Variants in SCNN1D observed in about 807,000 individuals in gnomAD.
The protein encoded by SCNN1D is epithelial sodium channel subunit delta.
A neutral mutation model predicts 87.8 loss-of-function variants in SCNN1D; 104 were observed. That is an observed-to-expected ratio of 1.18 (90% CI 1.01 to 1.39). The LOEUF (loss-of-function observed/expected upper bound fraction) is 1.39, where lower values mean the gene tolerates loss of function less well. SCNN1D is among the 40% of genes most tolerant of loss of function. The pLI is 0.00. For synonymous variants in SCNN1D, 628 were observed against 481.2 expected (o/e 1.31, Z -3.99); for missense variants, 1,324 against 1,093.9 (o/e 1.21, Z -2.97).
rs1640787339 is a variant in SCNN1D, at chr1:1,290,881, CCTT to C, written c.1918-12_1918-10del. The C allele has an allele frequency of 1.9e-6, 3 of 1,609,494 alleles. No homozygotes were observed. Among genetic ancestry groups the C allele is most frequent in the African/African-American group, 1.3e-5 (1 of 74,974 alleles). On this transcript the variant is annotated splice_polypyrimidine_tract_variant and intron_variant, in intron 15 of 17. Coordinates refer to ENST00000379116, the MANE Select transcript of SCNN1D (RefSeq NM_001130413.4). ...ATGGGGGAGCCGTGGCCACAGCAAA[CCTT>C]CCGTCTGCAGGGATGGACTCTGGCC...
Position 1,291,724 on chromosome 1 carries a change from G to T in SCNN1D, c.*114G>T. The T allele has an allele frequency of 1.4e-6, 1 of 729,480 alleles. No homozygotes were observed. The highest frequency in any genetic ancestry group is 2.5e-5 in the South Asian group (1 of 39,738). The allele number at this position is 729,480 out of a possible 1,614,324, so 45.2% of individuals were successfully genotyped here. A position where few individuals can be genotyped will look rare whatever the true frequency, so the allele number is the denominator to read the frequency against. On this transcript the variant is annotated 3_prime_UTR_variant, in exon 18 of 18. Transcript: ENST00000379116. ...ACCAGCAGCCCAGGAAGCAGCACAC[G>T]CGGCCGTGGGGAGGCAGGCACCGGG...
intron 4 of SCNN1D, among the ~76,000 whole-genome samples, chr1:1,282,994 C>T (rs1200698011): frequency 2.0e-5 from 3 of 152,056 alleles, no homozygotes; most frequent in Admixed American, 6.6e-5. Context: ...CCTTGTGATC[C>T]GCCCGCCTCG....
Position 1,287,429 on chromosome 1 carries a change from G to T in SCNN1D, c.1311-79G>T, listed in dbSNP as rs920755074. The T allele has an allele frequency of 3.4e-6, 5 of 1,487,864 alleles. No individual in the cohort carries two copies. In the African/African-American group the frequency reaches 5.6e-5, roughly 17 times the overall value. 92.2% of individuals were successfully genotyped at this position (1,487,864 alleles called of 1,614,324 possible). ...CGGAGGAACTTTCCGCAGACACAGG[G>T]CAGGCCATGGCCCCTCAGGCCAGCG... On this transcript the variant is annotated intron_variant, in intron 9 of 17. Coordinates refer to ENST00000379116, the MANE Select transcript of SCNN1D (RefSeq NM_001130413.4).
In SCNN1D at chr1:1,287,251, G is replaced by A; in HGVS notation, c.1262G>A (p.Gly421Asp). Residue 421 changes from glycine (G) to aspartate (D), a missense_variant, in exon 9 of 18, where the codon GGC (glycine) becomes GAC (aspartate). Coordinates refer to ENST00000379116, the MANE Select transcript of SCNN1D (RefSeq NM_001130413.4). The part of the protein sequence containing the change: ...AWEDSHGSQD[G>D]HFVLSCSYDG... The stretch of plus-strand genomic sequence containing the variant: ...GAGGACAGCCACGGGAGCCAGGACG[G>A]CCACTTCGTCCTCTCCTGCAGTTAC... 2 of 1,610,362 alleles carry A rather than the reference G, an allele frequency of 1.2e-6. No homozygotes were observed. Among genetic ancestry groups the A allele is most frequent in the Non-Finnish European group, 1.7e-6 (2 of 1,178,868 alleles).
rs773650803 is a variant in SCNN1D, at chr1:1,291,580, G to C, written c.2379G>C (p.Gly793=). 61 of 1,560,100 alleles carry C rather than the reference G, an allele frequency of 3.9e-5. 2 individuals are homozygous for C. The highest frequency in any genetic ancestry group is 9.6e-5 in the Admixed American group (5 of 52,352). The change falls in exon 18 of 18, where the codon GGG becomes GGC. Residue 793 remains glycine (G), a synonymous_variant. Transcript: ENST00000379116. The part of the protein sequence containing the change: ...AGVSAEESWA[G]PQPLETLDT ...TCTCAGCCGAAGAGAGCTGGGCTGG[G>C]CCCCAGCCCCTTGAGACTCTGGACA...
At position 1,284,049 on chromosome 1, in the gene SCNN1D, G is replaced by A. The variant is rs766384032; in HGVS notation, c.423G>A (p.Thr141=). 2.2e-6 allele frequency: 3 copies of A among 1,340,024 alleles called. No individual in the cohort carries two copies. Among genetic ancestry groups the A allele is most frequent in the East Asian group, 3.4e-5 (1 of 29,460 alleles). The allele number at this position is 1,340,024 out of a possible 1,614,324, so 83.0% of individuals were successfully genotyped here. A position where few individuals can be genotyped will look rare whatever the true frequency, so the allele number is the denominator to read the frequency against. ...PPQWLSTEAW[T]GEWKQPHGGA... is the part of the protein sequence containing the mutation. ...AATGGCTGAGCACCGAAGCATGGACGGGAGAATGGAAGCAGCCACACGGGG... is the reference window on the plus strand; with the variant it reads ...AATGGCTGAGCACCGAAGCATGGACAGGAGAATGGAAGCAGCCACACGGGG... Residue 141 remains threonine (T), a synonymous_variant, in exon 5 of 18, where the codon ACG becomes ACA. Transcript: ENST00000379116.
chr1:1,283,277 G>A (rs1435573730), intron 4 of SCNN1D, among the ~76,000 whole-genome samples: 1 of 152,210 alleles, frequency 6.6e-6, no homozygotes, highest in Non-Finnish European at 1.5e-5. Flanking sequence ...TGGCTGGGCG[G>A]CTGGTCCCGA....
In SCNN1D at chr1:1,287,283, C is replaced by G. The variant is rs754750536; in HGVS notation, c.1294C>G (p.Leu432Val). The change falls in exon 9 of 18, where the codon CTG becomes GTG. Residue 432 changes from leucine (L) to valine (V), a missense_variant. Physicochemically the swap from Leu to Val is conservative, Grantham distance 32 (BLOSUM62 1). Coordinates refer to ENST00000379116, the MANE Select transcript of SCNN1D (RefSeq NM_001130413.4). ...CGTCCTCTCCTGCAGTTACGATGGC[C>G]TGGACTGCCAGGCCCGGTGAGTGTG... Reference protein sequence around the residue: ...HFVLSCSYDGLDCQARQFRTF... With the variant: ...HFVLSCSYDGVDCQARQFRTF... The G allele has an allele frequency of 1.3e-6, 2 of 1,598,912 alleles. No individual in the cohort carries two copies. The highest frequency in any genetic ancestry group is 2.7e-5 in the African/African-American group (2 of 74,722).
rs143732434 is a variant in SCNN1D, at chr1:1,287,557, G to T, written c.1360G>T (p.Asp454Tyr). Reference protein sequence around the residue: ...HPTYGSCYTVDGVWTAQRPGI... With the variant: ...HPTYGSCYTVYGVWTAQRPGI... ...CACCTACGGCAGCTGCTACACGGTCGATGGCGTCTGGACAGCTCAGCGCCC... is the reference window on the plus strand; with the variant it reads ...CACCTACGGCAGCTGCTACACGGTCTATGGCGTCTGGACAGCTCAGCGCCC... The change falls in exon 10 of 18, where the codon GAT becomes TAT. Residue 454 changes from aspartate (D) to tyrosine (Y), a missense_variant. Coordinates refer to ENST00000379116, the MANE Select transcript of SCNN1D (RefSeq NM_001130413.4). 1.1e-4 allele frequency: 171 copies of T among 1,553,840 alleles called. No individual in the cohort carries two copies. Among genetic ancestry groups the T allele is most frequent in the Non-Finnish European group, 1.4e-4 (163 of 1,147,186 alleles).
intron 16 of SCNN1D, 44 bp downstream of exon 16, chr1:1,290,997 C>T (rs1640792709): frequency 1.3e-6 from 2 of 1,584,708 alleles, no homozygotes; most frequent in South Asian, 1.1e-5. Context: ...CAGCCCCTCT[C>T]CCCTCAAAGC....
chr1:1,286,360 G>A (rs1640591836), intron 7 of SCNN1D, 82 bp downstream of exon 7: 1 of 1,132,820 alleles, frequency 8.8e-7, no homozygotes, highest in Non-Finnish European at 1.2e-6. Flanking sequence ...AGCCCCACTG[G>A]CCCCTGTAGC....
Position 1,284,047 on chromosome 1 carries a change from A to G in SCNN1D, c.421A>G (p.Thr141Ala). The G allele has an allele frequency of 7.6e-7, 1 of 1,321,720 alleles. No individual in the cohort carries two copies. The highest frequency in any genetic ancestry group is 1.7e-5 in the South Asian group (1 of 59,800). The allele number at this position is 1,321,720 out of a possible 1,614,324, so 81.9% of individuals were successfully genotyped here. ...GCAATGGCTGAGCACCGAAGCATGG[A>G]CGGGAGAATGGAAGCAGCCACACGG... ...PPQWLSTEAW[T>A]GEWKQPHGGA... Residue 141 changes from threonine to alanine, a missense_variant, in exon 5 of 18, where the codon ACG becomes GCG. By Grantham distance (58) the Thr-to-Ala change is moderately conservative (BLOSUM62 0). Coordinates refer to ENST00000379116, the MANE Select transcript of SCNN1D (RefSeq NM_001130413.4).
Position 1,280,749 on chromosome 1 carries a change from A to C in SCNN1D, c.5+83A>C, listed in dbSNP as rs1640453443. On this transcript the variant is annotated intron_variant, in intron 1 of 17. Coordinates refer to ENST00000379116, the MANE Select transcript of SCNN1D (RefSeq NM_001130413.4). ...TGCCCATGGCTAAGACCAGGGGTCC[A>C]TCCAGACAGTTCAGGGCTTATAATT... The C allele has an allele frequency of 7.2e-6, 5 of 691,282 alleles. No individual in the cohort carries two copies. In the Admixed American group the frequency reaches 1.0e-4, roughly 14 times the overall value. 42.8% of individuals were successfully genotyped at this position (691,282 alleles called of 1,614,324 possible).
chr1:1,288,204 T>TGTCTCTGCCCCGTCCC (rs1557584067), intron 12 of SCNN1D, among the ~76,000 whole-genome samples, 167 bp downstream of exon 12: 2 of 140,086 alleles, frequency 1.4e-5, no homozygotes, highest in Admixed American at 7.1e-5. Flanking sequence ...CTCCATTCCC[T>TGTCTCTGCCCCGTCCC]GTGTCTCTGC....
chr1:1,291,621 C>A lies in SCNN1D; in HGVS notation c.*11C>A. ...ACTCTGGACACCTGAACCAGACCTG[C>A]CAGGGCTGTGCGATCTCTTGGCCTG... On this transcript the variant is annotated 3_prime_UTR_variant, in exon 18 of 18. Coordinates refer to ENST00000379116, the MANE Select transcript of SCNN1D (RefSeq NM_001130413.4). 1 of 1,503,402 alleles carries A rather than the reference C, an allele frequency of 6.7e-7. No homozygotes were observed. The highest frequency in any genetic ancestry group is 8.9e-7 in the Non-Finnish European group (1 of 1,120,966). 93.1% of individuals were successfully genotyped at this position (1,503,402 alleles called of 1,614,324 possible).
rs780539975 is a variant in SCNN1D at position 1,291,160 on chromosome 1, C to G, written c.2052+20C>G. The G allele has an allele frequency of 4.5e-5, 72 of 1,609,200 alleles. No homozygotes were observed. The highest frequency in any genetic ancestry group is 6.0e-5 in the Non-Finnish European group (71 of 1,178,418). Reference sequence around the variant, plus strand: ...TACTCGGTGAGCCTTGGCCCCCTGCCTGGGCTAGAGCGGGGGCAGCGACAG... The same window carrying G: ...TACTCGGTGAGCCTTGGCCCCCTGCGTGGGCTAGAGCGGGGGCAGCGACAG... On this transcript the variant is annotated intron_variant, in intron 17 of 17. Coordinates refer to ENST00000379116, the MANE Select transcript of SCNN1D (RefSeq NM_001130413.4).
At chr1:1,287,419 C>T in intron 9 of SCNN1D, 89 bp from the exon 10 acceptor site, 1 of 1,489,078 alleles carries the variant, frequency 6.7e-7, no homozygotes, top group Non-Finnish European at 9.0e-7. Flanking sequence ...GAACTTTCCG[C>T]AGACACAGGG....
chr1:1,287,243 C>G lies in SCNN1D; in HGVS notation c.1254C>G (p.Ser418Arg). The change falls in exon 9 of 18, where the codon AGC (serine) becomes AGG (arginine). Residue 418 changes from serine to arginine, a missense_variant. Ser to Arg is a moderately radical substitution (Grantham distance 110). Transcript: ENST00000379116. ...LPAAWEDSHGSQDGHFVLSCS... is the reference protein window; with the variant it reads ...LPAAWEDSHGRQDGHFVLSCS... ...CGGCATGGGAGGACAGCCACGGGAG[C>G]CAGGACGGCCACTTCGTCCTCTCCT... The G allele has an allele frequency of 4.3e-6, 7 of 1,610,984 alleles. No individual in the cohort carries two copies. Among genetic ancestry groups the G allele is most frequent in the Non-Finnish European group, 5.9e-6 (7 of 1,179,166 alleles).
At chr1:1,287,363 G>A (rs1640619008) in intron 9 of SCNN1D, 64 bp downstream of exon 9, 1 of 1,500,724 alleles carries the variant, frequency 6.7e-7, no homozygotes, top group Non-Finnish European at 8.9e-7. Context: ...CGCACCCCTG[G>A]GGTCCCTCTG....
Sources: allele counts gnomAD v4.1 joint callset (sites outside exome capture counted in the v4.1 genomes callset), GRCh38; gene constraint gnomAD v4.1.1; transcripts MANE v1.5; gene names NCBI Gene and HGNC (gene_info 2026-07-23, HGNC 2026-07-21).